The following EPB41L4B variants were observed in gnomAD, a reference collection of about 807,000 sequenced individuals.
EPB41L4B encodes the protein band 4.1-like protein 4B.
A neutral mutation model predicts 112.5 loss-of-function variants in EPB41L4B; 30 were observed. The ratio of observed to expected loss-of-function variants is 0.27; its 90% confidence interval spans 0.20 to 0.36. The LOEUF (loss-of-function observed/expected upper bound fraction) is 0.36, where lower values mean the gene tolerates loss of function less well. Among genes scored for constraint, EPB41L4B ranks in the 10% least tolerant of loss-of-function variants. The pLI is 1.00. For missense variants in EPB41L4B, 1,024 were observed against 1,133.3 expected (o/e 0.90, Z 1.38); for synonymous variants, 408 against 439.7 (o/e 0.93, Z 0.90).
chr9:109,214,117 G>C (rs1833280296), intron 16 of EPB41L4B, among the ~76,000 whole-genome samples: 1 of 152,170 alleles, frequency 6.6e-6, no homozygotes, highest in African/African-American at 2.4e-5. Flanking sequence ...CAGGGTTGCT[G>C]TGAATATCCA....
intron 18 of EPB41L4B, 71 bp downstream of exon 18, chr9:109,207,853 C>A: frequency 3.8e-6 from 6 of 1,591,382 alleles, no homozygotes; most frequent in Non-Finnish European, 4.3e-6. Flanking sequence ...TCCTACGGTG[C>A]CTCTTTCTTC....
rs879832084 is a variant in EPB41L4B, at chr9:109,269,244, C to T, written c.412-811G>A. On this transcript the variant is annotated intron_variant, in intron 2 of 25. Transcript: ENST00000374566. Reference sequence around the variant, plus strand: ...TCTTTTGCCAGGAAAATGAGCCACACGGCAAATGCAAAGGCAGGCAGGGAT... The same window carrying T: ...TCTTTTGCCAGGAAAATGAGCCACATGGCAAATGCAAAGGCAGGCAGGGAT... 1.7e-4 allele frequency among the ~76,000 whole-genome samples: 26 copies of T among 152,310 alleles called. 1 individual carries two copies. The highest frequency in any genetic ancestry group is 1.2e-3 in the South Asian group (6 of 4,830).
At chr9:109,252,361 C>G (rs1195578835) in intron 12 of EPB41L4B, among the ~76,000 whole-genome samples, 2 of 152,218 alleles carry the variant, frequency 1.3e-5, no homozygotes, top group Non-Finnish European at 2.9e-5. Flanking sequence ...CGTTCTGGCC[C>G]CTTCCTCCCG....
intron 12 of EPB41L4B, among the ~76,000 whole-genome samples, chr9:109,252,564 A>T (rs1397497371): frequency 6.6e-6 from 1 of 152,162 alleles, no homozygotes; most frequent in East Asian, 1.9e-4. Context: ...AATGGTGGGG[A>T]ACACAAAGTT....
chr9:109,262,973 G>C, intron 6 of EPB41L4B, 77 bp downstream of exon 6: 1 of 1,006,758 alleles, frequency 9.9e-7, no homozygotes, highest in Non-Finnish European at 1.5e-6. Flanking sequence ...ACTGGGCCTG[G>C]TATACTGTGG....
intron 19 of EPB41L4B, among the ~76,000 whole-genome samples, chr9:109,200,989 T>C (rs1406933080): frequency 6.6e-6 from 1 of 152,214 alleles, no homozygotes; most frequent in Non-Finnish European, 1.5e-5. Context: ...TAATGCATTT[T>C]TGTAGTGGTC....
chr9:109,249,614 C>T (rs1834704199), intron 13 of EPB41L4B, among the ~76,000 whole-genome samples: 1 of 151,496 alleles, frequency 6.6e-6, no homozygotes, highest in African/African-American at 2.4e-5. Context: ...CAATCACTAC[C>T]TTAGAGAGCA....
At chr9:109,233,434 C>A (rs1307502920) in intron 15 of EPB41L4B, among the ~76,000 whole-genome samples, 1 of 152,124 alleles carries the variant, frequency 6.6e-6, no homozygotes, top group African/African-American at 2.4e-5. Flanking sequence ...AAAATCAATT[C>A]CTTTCCCTTT....
At position 109,320,332 on chromosome 9, in the gene EPB41L4B, C is replaced by G. The variant is rs1296211793; in HGVS notation, c.115G>C (p.Gly39Arg). ...GAGGAGGCGGCGGCGGCCGGGCCCCCCCGTGGCCCCCCATCGCGCTCGTCC... is the reference window on the plus strand; with the variant it reads ...GAGGAGGCGGCGGCGGCCGGGCCCCGCCGTGGCCCCCCATCGCGCTCGTCC... ...LGDERDGGPR[G>R]GPAAAASSSA... The change falls in exon 1 of 26, where the codon GGG becomes CGG. Residue 39 changes from glycine (G) to arginine (R), a missense_variant. Coordinates refer to ENST00000374566, the MANE Select transcript of EPB41L4B (RefSeq NM_019114.5). 1.8e-5 allele frequency: 18 copies of G among 989,020 alleles called. No individual in the cohort carries two copies. The highest frequency in any genetic ancestry group is 2.2e-5 in the Non-Finnish European group (18 of 833,590). 61.3% of individuals were successfully genotyped at this position (989,020 alleles called of 1,614,324 possible).
intron 15 of EPB41L4B, among the ~76,000 whole-genome samples, chr9:109,230,741 T>G (rs887817034): frequency 1.3e-5 from 2 of 152,230 alleles, no homozygotes; most frequent in African/African-American, 4.8e-5. Context: ...ATCTTAGAAG[T>G]GTCATACATT....
At chr9:109,205,816 T>C (rs1189709047) in intron 18 of EPB41L4B, among the ~76,000 whole-genome samples, 2 of 152,156 alleles carry the variant, frequency 1.3e-5, no homozygotes, top group African/African-American at 2.4e-5. Flanking sequence ...TCCATTTTCA[T>C]AGGAGAGAAC....
chr9:109,207,191 T>C (rs1016218310), intron 18 of EPB41L4B, among the ~76,000 whole-genome samples: 8 of 152,164 alleles, frequency 5.3e-5, no homozygotes, highest in East Asian at 1.9e-4. Flanking sequence ...CCCTCAGCTA[T>C]AGGGATGGAA....
intron 9 of EPB41L4B, 50 bp from the exon 10 acceptor site, chr9:109,255,893 T>C: frequency 6.6e-7 from 1 of 1,509,064 alleles, no homozygotes; most frequent in South Asian, 1.2e-5. Context: ...TAAAACTATC[T>C]ACACATCAAA....
chr9:109,255,579 C>T lies in EPB41L4B; in HGVS notation c.1101G>A (p.Leu367=). Reference sequence around the variant, plus strand: ...TGGATTTGCTGTTTCCTGGCGTCCGCAGTCGGAAGAATGCGTGGTGCTCAA... The same window carrying T: ...TGGATTTGCTGTTTCCTGGCGTCCGTAGTCGGAAGAATGCGTGGTGCTCAA... ...CAVEHHAFFR[L]RTPGNSKSNR... is the part of the protein sequence containing the mutation. The change falls in exon 11 of 26, where the codon CTG becomes CTA. Residue 367 remains leucine (L), a synonymous_variant. Transcript: ENST00000374566. 1 of 1,614,214 alleles carries T rather than the reference C, an allele frequency of 6.2e-7. No individual in the cohort carries two copies. The highest frequency in any genetic ancestry group is 8.5e-7 in the Non-Finnish European group (1 of 1,180,040).
At chr9:109,239,808 T>C in intron 15 of EPB41L4B, 1 of 984,934 alleles carries the variant, frequency 1.0e-6, no homozygotes, top group Non-Finnish European at 1.2e-6. Context: ...AGGGTTTGGA[T>C]GCCTTCCTGC....
intron 24 of EPB41L4B, among the ~76,000 whole-genome samples, chr9:109,179,409 A>G (rs1831970907): frequency 1.3e-5 from 2 of 152,178 alleles, no homozygotes; most frequent in African/African-American, 4.8e-5. Context: ...GGCAGGAAGG[A>G]GATGAGAACA....
At chr9:109,248,886 C>T (rs1834660154) in intron 13 of EPB41L4B, among the ~76,000 whole-genome samples, 2 of 151,506 alleles carry the variant, frequency 1.3e-5, no homozygotes, top group African/African-American at 2.4e-5. Flanking sequence ...GGTGGAACCT[C>T]GTCTCTACTA....
At chr9:109,204,240 T>C (rs1832923428) in intron 18 of EPB41L4B, among the ~76,000 whole-genome samples, 1 of 152,006 alleles carries the variant, frequency 6.6e-6, no homozygotes, top group South Asian at 2.1e-4. Flanking sequence ...CCACAAAGAA[T>C]AGTGGGGGAA....
At chr9:109,187,694 C>T (rs1012480846) in intron 22 of EPB41L4B, among the ~76,000 whole-genome samples, 5 of 152,240 alleles carry the variant, frequency 3.3e-5, no homozygotes, top group African/African-American at 9.6e-5. Context: ...ATAGCAGGCA[C>T]GCAATGGGTA....
Sources: allele counts gnomAD v4.1 joint callset (sites outside exome capture counted in the v4.1 genomes callset), GRCh38; gene constraint gnomAD v4.1.1; transcripts MANE v1.5; gene names NCBI Gene and HGNC (gene_info 2026-07-23, HGNC 2026-07-21).